KAT2B: variants seen among roughly 807,000 people sequenced by gnomAD.
KAT2B encodes the protein histone acetyltransferase KAT2B.
KAT2B carries 36 observed loss-of-function variants against 105.9 expected under a neutral mutation model. That is an observed-to-expected ratio of 0.34 (90% CI 0.26 to 0.45). The LOEUF is 0.45. Ranked by LOEUF, KAT2B falls within the 20% of genes least tolerant of loss-of-function variation. The pLI is 1.00. For missense variants in KAT2B, 820 were observed against 1,021.6 expected (o/e 0.80, Z 2.69); for synonymous variants, 397 against 377.9 (o/e 1.05, Z -0.59).
At chr3:20,085,514 T>C (rs1294618017) in intron 2 of KAT2B, among the ~76,000 whole-genome samples, 2 of 147,906 alleles carry the variant, frequency 1.4e-5, no homozygotes, top group African/African-American at 5.0e-5. Context: ...TTTCTTTCTT[T>C]TTTTTTTTTT....
chr3:20,065,651 G>A (rs1698209854), intron 1 of KAT2B, among the ~76,000 whole-genome samples: 2 of 152,086 alleles, frequency 1.3e-5, no homozygotes, highest in South Asian at 4.1e-4. Flanking sequence ...GTACACTTAG[G>A]TTGTTAGGTG....
At chr3:20,073,811 A>G (rs1448343823) in intron 2 of KAT2B, among the ~76,000 whole-genome samples, 2 of 152,258 alleles carry the variant, frequency 1.3e-5, no homozygotes, top group Admixed American at 6.5e-5. Context: ...GTGACGTAAT[A>G]AATGTCTGGA....
intron 5 of KAT2B, among the ~76,000 whole-genome samples, chr3:20,109,492 C>T (rs546221299): frequency 9.6e-4 from 146 of 152,110 alleles, no homozygotes; most frequent in African/African-American, 3.4e-3. Context: ...GATTTTTAAA[C>T]TTTTTGTAGA....
Position 20,112,019 on chromosome 3 carries a change from C to A in KAT2B, c.1043+232C>A, listed in dbSNP as rs533114708. On this transcript the variant is annotated intron_variant, in intron 6 of 17. Coordinates refer to ENST00000263754, the MANE Select transcript of KAT2B (RefSeq NM_003884.5). ...ATTGCTCCCTTATCCCCTCCTCGTC[C>A]TACCTGAGTCATTGTCTCTGACTCA... Among the ~76,000 whole-genome samples the A allele has an allele frequency of 5.5e-4, 84 of 152,278 alleles. 1 individual carries two copies. The highest frequency in any genetic ancestry group is 3.4e-3 in the Middle Eastern group (1 of 294).
intron 5 of KAT2B, among the ~76,000 whole-genome samples, chr3:20,102,717 AAG>A (rs1437501672): frequency 1.3e-4 from 20 of 152,304 alleles, no homozygotes; most frequent in African/African-American, 4.6e-4. Flanking sequence ...TTTTCATCTG[AAG>A]GACTGTGACT....
chr3:20,115,100 A>G, intron 7 of KAT2B, 112 bp downstream of exon 7: 1 of 664,162 alleles, frequency 1.5e-6, no homozygotes, highest in Non-Finnish European at 2.7e-6. Context: ...GCTTAGCTCT[A>G]TAGTCAAATG....
intron 2 of KAT2B, among the ~76,000 whole-genome samples, chr3:20,085,195 A>G (rs956713509): frequency 3.3e-5 from 5 of 152,206 alleles, no homozygotes; most frequent in Admixed American, 3.3e-4. Flanking sequence ...ATGTCTATTA[A>G]TTTAAAAAAA....
At chr3:20,142,880 T>TTTGAGAAAGCGCGAATAG (rs1553599524) in intron 13 of KAT2B, among the ~76,000 whole-genome samples, 2 of 149,808 alleles carry the variant, frequency 1.3e-5, no homozygotes, top group African/African-American at 2.4e-5. Flanking sequence ...TGGGTATCTA[T>TTTGAGAAAGCGCGAATAG]GTGCCTGTGT....
intron 17 of KAT2B, among the ~76,000 whole-genome samples, chr3:20,150,489 T>G (rs537698793): frequency 6.6e-6 from 1 of 152,192 alleles, no homozygotes; most frequent in African/African-American, 2.4e-5. Flanking sequence ...TGACTTCTTG[T>G]TACCCATGGA....
At chr3:20,110,301 C>A (rs900378515) in intron 5 of KAT2B, among the ~76,000 whole-genome samples, 1 of 152,030 alleles carries the variant, frequency 6.6e-6, no homozygotes, top group African/African-American at 2.4e-5. Context: ...TTGGTGCCAC[C>A]CTCCATGGCT....
chr3:20,053,948 C>T (rs559753720), intron 1 of KAT2B, among the ~76,000 whole-genome samples: 137 of 152,202 alleles, frequency 9.0e-4, no homozygotes, highest in African/African-American at 3.2e-3. Flanking sequence ...CAGGCATGTA[C>T]CACCACACCG....
chr3:20,076,706 AT>A (rs1193405401), intron 2 of KAT2B, among the ~76,000 whole-genome samples: 1 of 152,018 alleles, frequency 6.6e-6, no homozygotes, highest in Non-Finnish European at 1.5e-5. Context: ...AGTTTCCTAC[AT>A]TTTTTCTTAT....
In KAT2B at chr3:20,059,177, C is replaced by T. The variant is rs181647626; in HGVS notation, c.304-13156C>T. On this transcript the variant is annotated intron_variant, in intron 1 of 17. Coordinates refer to ENST00000263754, the MANE Select transcript of KAT2B (RefSeq NM_003884.5). ...CCTGTAATCCCAGCACTTTGGGAGG[C>T]TGAGGTGGGCAGATCACTTGAGGTC... Among the ~76,000 whole-genome samples the T allele has an allele frequency of 4.1e-3, 624 of 152,178 alleles. 6 individuals carry two copies. Among genetic ancestry groups the T allele is most frequent in the African/African-American group, 0.013 (559 of 41,506 alleles).
rs1699397918 is a variant in KAT2B at position 20,126,047 on chromosome 3, A to T, written c.1556A>T (p.Gln519Leu). 6.2e-7 allele frequency: 1 copy of T among 1,614,004 alleles called. No individual in the cohort carries two copies. The highest frequency in any genetic ancestry group is 8.5e-7 in the Non-Finnish European group (1 of 1,180,004). The stretch of plus-strand genomic sequence containing the variant: ...ATCCTGATGTGGCTGGTTGGCCTAC[A>T]GAACGTTTTCTCCCACCAGCTGCCC... ...KKILMWLVGLQNVFSHQLPRM... is the reference protein window; with the variant it reads ...KKILMWLVGLLNVFSHQLPRM... The change falls in exon 10 of 18, where the codon CAG (glutamine) becomes CTG (leucine). Residue 519 changes from glutamine to leucine, a missense_variant. Gln to Leu is a moderately radical substitution (Grantham distance 113). Coordinates refer to ENST00000263754, the MANE Select transcript of KAT2B (RefSeq NM_003884.5).
At chr3:20,051,836 A>G (rs1476587004) in intron 1 of KAT2B, among the ~76,000 whole-genome samples, 2 of 152,268 alleles carry the variant, frequency 1.3e-5, no homozygotes, top group Non-Finnish European at 2.9e-5. Context: ...CGTAATTGGT[A>G]TATTTAACAA....
chr3:20,100,595 T>C (rs936859027), intron 4 of KAT2B, among the ~76,000 whole-genome samples: 3 of 152,240 alleles, frequency 2.0e-5, no homozygotes, highest in Non-Finnish European at 4.4e-5. Context: ...GAAGTCATGA[T>C]ACCAGAATCC....
At chr3:20,060,360 G>A (rs1698078787) in intron 1 of KAT2B, among the ~76,000 whole-genome samples, 1 of 152,144 alleles carries the variant, frequency 6.6e-6, no homozygotes, top group Non-Finnish European at 1.5e-5. Context: ...CCAGTACTTT[G>A]GGAGGCCAAG....
intron 13 of KAT2B, 37 bp downstream of exon 13, chr3:20,140,401 G>T (rs1361716958): frequency 6.2e-7 from 1 of 1,607,206 alleles, no homozygotes; most frequent in Non-Finnish European, 8.5e-7. Flanking sequence ...TTCTGTACAG[G>T]CCAGTCTTAG....
intron 1 of KAT2B, among the ~76,000 whole-genome samples, chr3:20,044,839 T>G (rs1010827634): frequency 1.3e-4 from 20 of 152,326 alleles, no homozygotes; most frequent in Admixed American, 1.3e-3. Context: ...AATAGATTCT[T>G]AGCCATGCGG....
Sources: allele counts gnomAD v4.1 joint callset (sites outside exome capture counted in the v4.1 genomes callset), GRCh38; gene constraint gnomAD v4.1.1; transcripts MANE v1.5; gene names NCBI Gene and HGNC (gene_info 2026-07-23, HGNC 2026-07-21).